Variants in COL6A6 observed in about 807,000 individuals in gnomAD.
COL6A6 encodes collagen type VI alpha 6 chain, also known as collagen alpha-6(VI) chain.
A neutral mutation model predicts 208.6 loss-of-function variants in COL6A6; 183 were observed. The ratio of observed to expected loss-of-function variants is 0.88; its 90% CI spans 0.78 to 0.99. The LOEUF (loss-of-function observed/expected upper bound fraction) is 0.99, where lower values mean the gene tolerates loss of function less well. Among genes scored for constraint, COL6A6 ranks in the 50% least tolerant of loss-of-function variants. The pLI is 0.00. For missense variants in COL6A6, 2,816 were observed against 2,815.2 expected, an observed-to-expected ratio of 1.00 and a Z score of -0.01; for synonymous variants, 973 against 1,011.8, an observed-to-expected ratio of 0.96 and a Z score of 0.73.
chr3:130,634,213 ATAAATAAATAAATAAATAAATAAAT>A (rs2065032096), intron 26 of COL6A6, among the ~76,000 whole-genome samples: 2 of 52,444 alleles, frequency 3.8e-5, no homozygotes. Context: ...AAAAAAAAAA[ATAAATAAATAAATAAATAAATAAAT>A]AAATAAAAAA....
In COL6A6 at chr3:130,563,652, A is replaced by G; in HGVS notation, c.649A>G (p.Ile217Val). ...IKYKEGAVDD[I>V]FVEACQGPSM... ...GTACAAGGAGGGAGCAGTTGATGACATCTTTGTAGAAGGTGGGCTTAGGAT... is the reference window on the plus strand; with the variant it reads ...GTACAAGGAGGGAGCAGTTGATGACGTCTTTGTAGAAGGTGGGCTTAGGAT... Residue 217 changes from isoleucine (I) to valine (V), a missense_variant, in exon 3 of 37, where the codon ATC becomes GTC. Transcript: ENST00000358511. 6.2e-7 allele frequency: 1 copy of G among 1,606,770 alleles called. No individual in the cohort carries two copies. Among genetic ancestry groups the G allele is most frequent in the African/African-American group, 1.3e-5 (1 of 74,852 alleles).
At chr3:130,538,895 T>C (rs1305296657) in intron 1 of COL6A6, among the ~76,000 whole-genome samples, 1 of 152,216 alleles carries the variant, frequency 6.6e-6, no homozygotes, top group Non-Finnish European at 1.5e-5. Flanking sequence ...AGAGGCTACA[T>C]TGGGTAATGC....
At chr3:130,547,281 C>A (rs561965479) in intron 1 of COL6A6, among the ~76,000 whole-genome samples, 1 of 152,376 alleles carries the variant, frequency 6.6e-6, no homozygotes, top group African/African-American at 2.4e-5. Context: ...ACCCAGCGCC[C>A]CCTCTGCAGC....
In COL6A6 at chr3:130,649,553, C is replaced by T; in HGVS notation, c.5724C>T (p.Arg1908=). The change falls in exon 33 of 37, where the codon CGC becomes CGT. Residue 1908 remains arginine (R), a synonymous_variant. Coordinates refer to ENST00000358511, the MANE Select transcript of COL6A6 (RefSeq NM_001102608.3). ...TCAGCAACGTGCCCTCGGTCAGGCG[C>T]GCATTTGCGGTATGAGGATGAAACC... ...ITFSNVPSVR[R]AFAIDDTGTF... is the part of the protein sequence containing the mutation. 1 of 1,586,154 alleles carries T rather than the reference C, an allele frequency of 6.3e-7. No individual in the cohort carries two copies. The highest frequency in any genetic ancestry group is 1.1e-5 in the South Asian group (1 of 87,844).
intron 1 of COL6A6, among the ~76,000 whole-genome samples, chr3:130,529,870 A>C (rs540698231): frequency 7.9e-5 from 12 of 152,342 alleles, no homozygotes; most frequent in Admixed American, 7.8e-4. Context: ...GCAGGGGCTC[A>C]GTGAATTTTT....
intron 23 of COL6A6, among the ~76,000 whole-genome samples, chr3:130,618,343 T>C (rs1450863287): frequency 6.6e-6 from 1 of 152,224 alleles, no homozygotes; most frequent in Admixed American, 6.5e-5. Flanking sequence ...TCTCACTGTG[T>C]TGTAAAAATA....
At chr3:130,577,990 C>A (rs1006143432) in intron 8 of COL6A6, among the ~76,000 whole-genome samples, 1 of 152,140 alleles carries the variant, frequency 6.6e-6, no homozygotes. Context: ...AATAAATATA[C>A]GTGGTATTTT....
chr3:130,660,838 T>C (rs1330914409), intron 34 of COL6A6, among the ~76,000 whole-genome samples: 1 of 152,238 alleles, frequency 6.6e-6, no homozygotes, highest in Admixed American at 6.5e-5. Flanking sequence ...GAAATACTGG[T>C]GTGTCCTTAG....
intron 26 of COL6A6, among the ~76,000 whole-genome samples, chr3:130,633,989 A>G (rs2065019831): frequency 2.1e-5 from 1 of 47,106 alleles, no homozygotes. Flanking sequence ...CCAGCATGGC[A>G]CATGTATACA....
rs372067217 is a variant in COL6A6, at chr3:130,676,590, G to C, written c.*1193G>C. 1 of 152,190 alleles carries C rather than the reference G, an allele frequency of 6.6e-6. No individual in the cohort carries two copies. The highest frequency in any genetic ancestry group is 2.4e-5 in the African/African-American group (1 of 41,448). The allele number at this position is 152,190 out of a possible 1,614,324, so 9.4% of individuals were successfully genotyped here. ...TGGGAATGGAAAGAAGCCCTGCCTG[G>C]ATGCATGGAGCAGATGGATACTGAC... On this transcript the variant is annotated 3_prime_UTR_variant, in exon 37 of 37. Coordinates refer to ENST00000358511, the MANE Select transcript of COL6A6 (RefSeq NM_001102608.3).
At chr3:130,635,092 A>G (rs1478126069) in intron 27 of COL6A6, among the ~76,000 whole-genome samples, 1 of 152,058 alleles carries the variant, frequency 6.6e-6, no homozygotes, top group Non-Finnish European at 1.5e-5. Context: ...AAAATTAGCT[A>G]GGCGTGGTGG....
intron 5 of COL6A6, among the ~76,000 whole-genome samples, chr3:130,567,732 A>G (rs1329740689): frequency 6.6e-6 from 1 of 152,138 alleles, no homozygotes; most frequent in African/African-American, 2.4e-5. Context: ...TGCTCCTGTC[A>G]TCTAAGAGGT....
At chr3:130,573,816 G>T in intron 7 of COL6A6, 140 bp from the exon 8 acceptor site, 3 of 602,874 alleles carry the variant, frequency 5.0e-6, no homozygotes, top group Non-Finnish European at 2.9e-6. Context: ...TGATCTGCCC[G>T]CCTCGGCCTC....
chr3:130,581,539 A>T (rs373902098), intron 8 of COL6A6, 22 bp from the exon 9 acceptor site: 16 of 1,540,416 alleles, frequency 1.0e-5, no homozygotes, highest in Non-Finnish European at 1.4e-5. Context: ...TTATTAAGAC[A>T]TGCTTTTCCT....
intron 1 of COL6A6, among the ~76,000 whole-genome samples, chr3:130,542,579 G>T (rs1455731999): frequency 1.3e-5 from 2 of 152,118 alleles, no homozygotes; most frequent in Non-Finnish European, 2.9e-5. Context: ...TGTCCTCACT[G>T]ATTTTCTGCC....
intron 35 of COL6A6, 87 bp from the exon 36 acceptor site, chr3:130,664,916 A>G (rs2108471280): frequency 1.2e-6 from 1 of 829,644 alleles, no homozygotes. Flanking sequence ...TATTTAAAAC[A>G]GTAAAGTGGC....
At chr3:130,524,761 G>A (rs6794807) in intron 1 of COL6A6, among the ~76,000 whole-genome samples, 2 of 152,176 alleles carry the variant, frequency 1.3e-5, no homozygotes, top group Non-Finnish European at 2.9e-5. Flanking sequence ...AGCAAAAGTT[G>A]TTAAGTTGGG....
Position 130,582,008 on chromosome 3 carries a change from G to A in COL6A6, c.3910G>A (p.Asp1304Asn), listed in dbSNP as rs1437653866. 1 of 1,609,792 alleles carries A rather than the reference G, an allele frequency of 6.2e-7. No individual in the cohort carries two copies. The highest frequency in any genetic ancestry group is 2.2e-5 in the East Asian group (1 of 44,828). Reference protein sequence around the residue: ...ARGKVVLLFSDGLDDDVEKLE... With the variant: ...ARGKVVLLFSNGLDDDVEKLE... Reference sequence around the variant, plus strand: ...TTCTTAGGTGGTCCTTTTATTTTCAGATGGATTGGATGATGATGTTGAGAA... The same window carrying A: ...TTCTTAGGTGGTCCTTTTATTTTCAAATGGATTGGATGATGATGTTGAGAA... Residue 1304 changes from aspartate to asparagine, a missense_variant, in exon 10 of 37, where the codon GAT becomes AAT. Coordinates refer to ENST00000358511, the MANE Select transcript of COL6A6 (RefSeq NM_001102608.3).
intron 34 of COL6A6, among the ~76,000 whole-genome samples, chr3:130,660,884 C>T (rs984537932): frequency 1.3e-5 from 2 of 152,198 alleles, no homozygotes; most frequent in Admixed American, 6.5e-5. Context: ...ACAGTCTCTT[C>T]TGTAAAATTA....
Sources: gnomAD v4.1 joint callset for allele counts (sites outside exome capture counted in the v4.1 genomes callset) on GRCh38, gnomAD v4.1.1 for gene constraint, MANE v1.5 for transcripts, NCBI Gene and HGNC (gene_info 2026-07-23, HGNC 2026-07-21) for gene names.